The following IGF1R variants were observed in gnomAD, a reference collection of about 807,000 sequenced individuals.
The protein encoded by IGF1R is insulin-like growth factor 1 receptor.
A neutral mutation model predicts 144.6 loss-of-function variants in IGF1R; 44 were observed. That is an observed-to-expected ratio of 0.30 (90% CI 0.24 to 0.39). The LOEUF is 0.39. Among genes scored for constraint, IGF1R ranks in the 10% least tolerant of loss-of-function variants. The pLI is 1.00. For synonymous variants in IGF1R, 795 were observed against 722.8 expected (o/e 1.10, Z -1.60); for missense variants, 1,355 against 1,833.7 (o/e 0.74, Z 4.77).
intron 2 of IGF1R, among the ~76,000 whole-genome samples, chr15:98,752,456 G>A (rs1299053227): frequency 6.6e-6 from 1 of 152,154 alleles, no homozygotes; most frequent in Non-Finnish European, 1.5e-5. Flanking sequence ...GGCCGAGGCG[G>A]GTGGATCACA....
At chr15:98,893,685 C>T (rs936831465) in intron 3 of IGF1R, 3 of 152,192 alleles carry the variant, frequency 2.0e-5, no homozygotes, top group African/African-American at 7.2e-5. Flanking sequence ...GGCCTTCAGT[C>T]GTTCTGCAGC....
chr15:98,744,787 G>C (rs1446659027), intron 2 of IGF1R, among the ~76,000 whole-genome samples: 6 of 151,158 alleles, frequency 4.0e-5, no homozygotes, highest in Non-Finnish European at 8.9e-5. Context: ...TTTGGCGTTT[G>C]TGATGAACTT....
rs573580860 is a variant in IGF1R at position 98,752,882 on chromosome 15, A to G, written c.640+44775A>G. Among the ~76,000 whole-genome samples the G allele has an allele frequency of 5.3e-5, 8 of 152,140 alleles. No homozygotes were observed. The East Asian group carries it at 1.4e-3, about 26-fold the overall frequency. On this transcript the variant is annotated intron_variant, in intron 2 of 20. Transcript: ENST00000650285. ...GAAGGAAAACCTAAAATAGTAGCCA[A>G]AGTTACTCAGATGAGATAAAGAATA...
chr15:98,754,878 C>T (rs2055109862), intron 2 of IGF1R, among the ~76,000 whole-genome samples: 2 of 152,140 alleles, frequency 1.3e-5, no homozygotes, highest in South Asian at 4.1e-4. Context: ...CCTAGGTTGA[C>T]CTGAGGATAG....
chr15:98,953,542 G>A (rs1387063932), intron 20 of IGF1R, among the ~76,000 whole-genome samples: 1 of 152,150 alleles, frequency 6.6e-6, no homozygotes, highest in Admixed American at 6.5e-5. Context: ...TGGCTTTCAG[G>A]AAACGTAGTG....
chr15:98,929,697 T>A (rs754204097), intron 14 of IGF1R, 37 bp downstream of exon 14: 5 of 1,354,856 alleles, frequency 3.7e-6, no homozygotes, highest in Non-Finnish European at 4.2e-6. Context: ...TTTCTGTGGC[T>A]GAGTGGTTTG....
intron 2 of IGF1R, among the ~76,000 whole-genome samples, chr15:98,825,751 A>T (rs372586071): frequency 6.6e-6 from 1 of 152,264 alleles, no homozygotes; most frequent in Admixed American, 6.5e-5. Context: ...CAATGTAAAT[A>T]GTTGTTATCA....
intron 13 of IGF1R, among the ~76,000 whole-genome samples, chr15:98,925,731 C>G (rs1487956240): frequency 6.6e-6 from 1 of 152,200 alleles, no homozygotes; most frequent in Non-Finnish European, 1.5e-5. Context: ...GGGTGAAACC[C>G]CGTCTCTACT....
chr15:98,758,562 C>G (rs2055215410), intron 2 of IGF1R, among the ~76,000 whole-genome samples: 1 of 152,228 alleles, frequency 6.6e-6, no homozygotes, highest in South Asian at 2.1e-4. Context: ...GGCTTGGGAA[C>G]AGTTCCACCT....
chr15:98,806,541 G>C (rs564618870), intron 2 of IGF1R, among the ~76,000 whole-genome samples: 2 of 151,910 alleles, frequency 1.3e-5, no homozygotes, highest in South Asian at 4.2e-4. Flanking sequence ...TCTCTCATTG[G>C]TATTTGTGGG....
intron 6 of IGF1R, among the ~76,000 whole-genome samples, chr15:98,911,108 C>T (rs1307168828): frequency 2.0e-5 from 3 of 152,144 alleles, no homozygotes; most frequent in Non-Finnish European, 4.4e-5. Flanking sequence ...AACTGATTGA[C>T]CTAAAACAAA....
chr15:98,895,717 A>G (rs1159770732), intron 3 of IGF1R, among the ~76,000 whole-genome samples: 2 of 152,214 alleles, frequency 1.3e-5, no homozygotes, highest in Non-Finnish European at 2.9e-5. Flanking sequence ...AATAACCTTC[A>G]TGGGTAGGGG....
intron 2 of IGF1R, among the ~76,000 whole-genome samples, chr15:98,850,090 T>C (rs1001116466): frequency 6.6e-6 from 1 of 152,224 alleles, no homozygotes; most frequent in African/African-American, 2.4e-5. Flanking sequence ...TTGTTCATTG[T>C]AGTGTTTCAA....
chr15:98,763,799 G>A (rs185863723), intron 2 of IGF1R, among the ~76,000 whole-genome samples: 4 of 152,188 alleles, frequency 2.6e-5, no homozygotes, highest in Non-Finnish European at 4.4e-5. Context: ...AAATGAGTGG[G>A]TTGTCCAGGT....
At chr15:98,819,333 C>T (rs994735464) in intron 2 of IGF1R, among the ~76,000 whole-genome samples, 1 of 152,110 alleles carries the variant, frequency 6.6e-6, no homozygotes, top group Admixed American at 6.5e-5. Flanking sequence ...TTATGTTGCC[C>T]CAGTAATCTA....
chr15:98,848,901 A>C (rs919786923), intron 2 of IGF1R, among the ~76,000 whole-genome samples: 9 of 152,262 alleles, frequency 5.9e-5, no homozygotes, highest in Non-Finnish European at 1.3e-4. Flanking sequence ...AGATAACCAT[A>C]CTATTAAAAG....
intron 2 of IGF1R, among the ~76,000 whole-genome samples, chr15:98,750,185 G>C (rs2054974372): frequency 6.6e-6 from 1 of 151,946 alleles, no homozygotes; most frequent in Non-Finnish European, 1.5e-5. Flanking sequence ...AGGCAGGACT[G>C]AAAGAGCTGA....
intron 2 of IGF1R, among the ~76,000 whole-genome samples, chr15:98,752,487 T>C (rs1430881154): frequency 6.6e-6 from 1 of 151,904 alleles, no homozygotes; most frequent in Non-Finnish European, 1.5e-5. Context: ...ATCGAGACCA[T>C]CCTAACGCGG....
chr15:98,802,171 C>T (rs1199322411), intron 2 of IGF1R, among the ~76,000 whole-genome samples: 3 of 152,126 alleles, frequency 2.0e-5, no homozygotes, highest in Non-Finnish European at 4.4e-5. Context: ...TAATACCTTC[C>T]TGTAGGTGCG....
Sources: allele counts gnomAD v4.1 joint callset (sites outside exome capture counted in the v4.1 genomes callset), GRCh38; gene constraint gnomAD v4.1.1; transcripts MANE v1.5; gene names NCBI Gene and HGNC (gene_info 2026-07-23, HGNC 2026-07-21).